The following GALNT17 variants were observed in gnomAD, a reference collection of about 807,000 sequenced individuals.
GALNT17 encodes the protein UDP-GalNAc:polypeptide N-acetylgalactosaminyltransferase-like 3.
In GALNT17, 29 loss-of-function variants were observed where a neutral mutation model predicts 63.7. That is an observed-to-expected ratio of 0.46 (90% CI 0.34 to 0.62). The LOEUF is 0.62. Ranked by LOEUF, GALNT17 falls within the 20% of genes least tolerant of loss-of-function variation. The pLI, the probability that GALNT17 is intolerant of heterozygous loss-of-function variation, is 0.01. For missense variants in GALNT17, 603 were observed against 799.6 expected (o/e 0.75, Z 2.97); for synonymous variants, 305 against 318.3 (o/e 0.96, Z 0.45).
chr7:71,304,202 C>T (rs1365770065), intron 1 of GALNT17, among the ~76,000 whole-genome samples: 1 of 152,214 alleles, frequency 6.6e-6, no homozygotes, highest in Non-Finnish European at 1.5e-5. Context: ...TTCATTCATT[C>T]AATGCAGTGA....
chr7:71,218,347 T>G (rs1789524217), intron 1 of GALNT17, among the ~76,000 whole-genome samples: 2 of 152,184 alleles, frequency 1.3e-5, no homozygotes, highest in Non-Finnish European at 2.9e-5. Context: ...CTGTTGTGTT[T>G]TTGTTCTTTC....
intron 5 of GALNT17, among the ~76,000 whole-genome samples, chr7:71,568,122 G>A (rs140108459): frequency 4.6e-5 from 7 of 152,316 alleles, no homozygotes; most frequent in South Asian, 2.1e-4. Context: ...GCACCTTAAC[G>A]GTGTTTCTGG....
At chr7:71,229,856 C>T (rs1400117193) in intron 1 of GALNT17, among the ~76,000 whole-genome samples, 3 of 152,166 alleles carry the variant, frequency 2.0e-5, no homozygotes, top group Non-Finnish European at 4.4e-5. Flanking sequence ...GGGTCACCTC[C>T]GTGGCCGGAA....
intron 9 of GALNT17, among the ~76,000 whole-genome samples, chr7:71,679,833 C>G (rs776281147): frequency 6.6e-6 from 1 of 151,914 alleles, no homozygotes; most frequent in East Asian, 1.9e-4. Flanking sequence ...GTCAGATCTC[C>G]GGTGGGGTCT....
chr7:71,290,065 C>G (rs1225283783), intron 1 of GALNT17, among the ~76,000 whole-genome samples: 1 of 152,064 alleles, frequency 6.6e-6, no homozygotes, highest in Non-Finnish European at 1.5e-5. Context: ...AAACAAAAAT[C>G]CATCAGGTTC....
At chr7:71,305,708 G>C (rs758131651) in intron 1 of GALNT17, among the ~76,000 whole-genome samples, 1 of 152,100 alleles carries the variant, frequency 6.6e-6, no homozygotes, top group African/African-American at 2.4e-5. Flanking sequence ...CTAGGTTGGC[G>C]ACCTGATGTC....
intron 3 of GALNT17, among the ~76,000 whole-genome samples, chr7:71,409,698 A>G (rs1793396592): frequency 6.6e-6 from 1 of 152,178 alleles, no homozygotes; most frequent in African/African-American, 2.4e-5. Flanking sequence ...CTGTTTTAGG[A>G]CCACCAGGTT....
At chr7:71,219,827 G>C (rs1789551349) in intron 1 of GALNT17, among the ~76,000 whole-genome samples, 2 of 152,138 alleles carry the variant, frequency 1.3e-5, no homozygotes, top group Non-Finnish European at 2.9e-5. Context: ...TTGTATTTAT[G>C]AGGAAGGCAC....
At chr7:71,289,370 T>G (rs1790936269) in intron 1 of GALNT17, among the ~76,000 whole-genome samples, 1 of 152,206 alleles carries the variant, frequency 6.6e-6, no homozygotes, top group Non-Finnish European at 1.5e-5. Context: ...ATATGTAGTT[T>G]GGTTTTTAAA....
intron 1 of GALNT17, among the ~76,000 whole-genome samples, chr7:71,152,933 C>T (rs1000604682): frequency 3.3e-5 from 5 of 152,076 alleles, no homozygotes; most frequent in African/African-American, 9.7e-5. Flanking sequence ...CCCCAGTTCA[C>T]GTTTTCATTA....
chr7:71,213,370 C>T (rs1042390214), intron 1 of GALNT17, among the ~76,000 whole-genome samples: 4 of 152,188 alleles, frequency 2.6e-5, no homozygotes, highest in African/African-American at 9.7e-5. Context: ...TTCCTAGTCC[C>T]AGTGTGTCTT....
intron 6 of GALNT17, among the ~76,000 whole-genome samples, chr7:71,650,029 G>T (rs887087064): frequency 1.3e-5 from 2 of 152,204 alleles, no homozygotes; most frequent in African/African-American, 2.4e-5. Flanking sequence ...GTTTAGTGTG[G>T]CAGAGCCATG....
chr7:71,392,096 A>T (rs1009043666), intron 3 of GALNT17, among the ~76,000 whole-genome samples: 3 of 152,206 alleles, frequency 2.0e-5, no homozygotes, highest in Non-Finnish European at 2.9e-5. Context: ...GTCACATTTC[A>T]ACATGAGATT....
intron 1 of GALNT17, among the ~76,000 whole-genome samples, chr7:71,151,956 A>G (rs1407171888): frequency 6.6e-6 from 1 of 152,198 alleles, no homozygotes; most frequent in Non-Finnish European, 1.5e-5. Context: ...ATTTGTGCCA[A>G]AGTTCCACAA....
chr7:71,181,225 A>G (rs1585862225), intron 1 of GALNT17, among the ~76,000 whole-genome samples: 1 of 151,594 alleles, frequency 6.6e-6, no homozygotes, highest in Non-Finnish European at 1.5e-5. Flanking sequence ...ACTACACTCC[A>G]GCCTGGGCGA....
At chr7:71,695,184 C>T (rs546217644) in intron 9 of GALNT17, among the ~76,000 whole-genome samples, 4 of 152,278 alleles carry the variant, frequency 2.6e-5, no homozygotes, top group African/African-American at 7.2e-5. Flanking sequence ...GTGCCCCACA[C>T]CAAGAGAGGC....
chr7:71,476,797 T>C (rs1229814648), intron 5 of GALNT17, among the ~76,000 whole-genome samples: 1 of 152,184 alleles, frequency 6.6e-6, no homozygotes, highest in Non-Finnish European at 1.5e-5. Flanking sequence ...TCACTAATGC[T>C]GAGGCCAGGA....
intron 6 of GALNT17, among the ~76,000 whole-genome samples, chr7:71,621,764 A>G (rs1790299447): frequency 6.6e-6 from 1 of 152,178 alleles, no homozygotes; most frequent in African/African-American, 2.4e-5. Context: ...ATGGAACCCT[A>G]TTTGATGCAC....
chr7:71,180,840 C>CA (rs1371279063), intron 1 of GALNT17, among the ~76,000 whole-genome samples: 8 of 152,122 alleles, frequency 5.3e-5, no homozygotes, highest in Admixed American at 5.2e-4. Context: ...TGGGGAAGAA[C>CA]AGAGGCCAAG....
Sources: gnomAD v4.1 joint callset for allele counts (sites outside exome capture counted in the v4.1 genomes callset) on GRCh38, gnomAD v4.1.1 for gene constraint, MANE v1.5 for transcripts, NCBI Gene and HGNC (gene_info 2026-07-23, HGNC 2026-07-21) for gene names.